The following CDRT4 variants were observed in gnomAD, a reference collection of about 807,000 sequenced individuals.
CDRT4 encodes CMT1A duplicated region transcript 4 protein.
For missense variants in CDRT4, 167 were observed against 193.1 expected (o/e 0.87, Z 0.80); for synonymous variants, 64 against 69.6 (o/e 0.92, Z 0.40).
At chr17:15,465,261 A>AAC (rs772265524) in intron 1 of CDRT4, among the ~76,000 whole-genome samples, 3 of 111,574 alleles carry the variant, frequency 2.7e-5, no homozygotes, top group African/African-American at 9.3e-5. Flanking sequence ...CAACACACAC[A>AAC]ACACACACAC....
chr17:15,438,621 T>C (rs1454683630), intron 3 of CDRT4, among the ~76,000 whole-genome samples: 2 of 152,232 alleles, frequency 1.3e-5, no homozygotes, highest in Non-Finnish European at 2.9e-5. Context: ...ATTCCTACTC[T>C]ACCCTCTTCA....
chr17:15,440,336 T>C, intron 2 of CDRT4, 51 bp from the exon 3 acceptor site: 2 of 1,591,784 alleles, frequency 1.3e-6, no homozygotes, highest in South Asian at 2.2e-5. Flanking sequence ...TGGAAAGCAA[T>C]TAGTAGCCAC....
intron 2 of CDRT4, among the ~76,000 whole-genome samples, chr17:15,452,780 C>T (rs1045619309): frequency 6.6e-6 from 1 of 152,220 alleles, no homozygotes; most frequent in African/African-American, 2.4e-5. Context: ...CCTCTCTGCT[C>T]CCAAGTATCT....
chr17:15,455,648 G>A (rs920345530), intron 1 of CDRT4, among the ~76,000 whole-genome samples: 1 of 152,228 alleles, frequency 6.6e-6, no homozygotes, highest in African/African-American at 2.4e-5. Flanking sequence ...GAAGCCAGCT[G>A]CCATGTTACA....
chr17:15,444,050 T>C (rs1281517999), intron 2 of CDRT4: 3 of 905,608 alleles, frequency 3.3e-6, no homozygotes, highest in Non-Finnish European at 5.3e-6. Context: ...CCCAGAAAGA[T>C]GAAGGAAACA....
chr17:15,447,150 A>T (rs1979063324), intron 2 of CDRT4, among the ~76,000 whole-genome samples: 1 of 152,210 alleles, frequency 6.6e-6, no homozygotes, highest in African/African-American at 2.4e-5. Flanking sequence ...GAGAAACAAA[A>T]GCAGAGGCCT....
intron 2 of CDRT4, among the ~76,000 whole-genome samples, chr17:15,442,465 A>C (rs535947913): frequency 6.6e-6 from 1 of 152,230 alleles, no homozygotes; most frequent in African/African-American, 2.4e-5. Context: ...TCATCTGTAA[A>C]TAGGATGCCA....
intron 1 of CDRT4, among the ~76,000 whole-genome samples, chr17:15,458,790 G>T (rs1301749587): frequency 6.6e-6 from 1 of 152,164 alleles, no homozygotes; most frequent in East Asian, 1.9e-4. Context: ...GTATAATCCA[G>T]ACAGAGGCTG....
intron 1 of CDRT4, among the ~76,000 whole-genome samples, chr17:15,457,510 T>G (rs538558682): frequency 6.6e-6 from 1 of 152,178 alleles, no homozygotes; most frequent in Non-Finnish European, 1.5e-5. Flanking sequence ...ACGCAGAAGG[T>G]GCCCAGATGG....
intron 3 of CDRT4, 129 bp downstream of exon 3, chr17:15,440,079 T>C (rs935825653): frequency 7.8e-6 from 6 of 767,678 alleles, no homozygotes; most frequent in Non-Finnish European, 1.1e-5. Flanking sequence ...CCTAGAACTT[T>C]AAGTATAATA....
chr17:15,456,597 C>T (rs1289228816), intron 1 of CDRT4, among the ~76,000 whole-genome samples: 2 of 150,848 alleles, frequency 1.3e-5, no homozygotes, highest in African/African-American at 2.4e-5. Context: ...CACACACACA[C>T]GGCTCAGGAG....
intron 2 of CDRT4, among the ~76,000 whole-genome samples, chr17:15,441,269 G>A (rs942998552): frequency 6.6e-6 from 1 of 152,152 alleles, no homozygotes. Context: ...TGGGTCGAAG[G>A]CAGTGCTTCT....
At chr17:15,463,835 A>C (rs1272050508) in intron 1 of CDRT4, among the ~76,000 whole-genome samples, 1 of 152,108 alleles carries the variant, frequency 6.6e-6, no homozygotes. Context: ...GGTCTGAGGG[A>C]GCCCCAGAAG....
rs1036026848 is a variant in CDRT4 at position 15,464,557 on chromosome 17, T to G, written c.-130+2903A>C. Among the ~76,000 whole-genome samples the G allele has an allele frequency of 2.0e-5, 3 of 152,010 alleles. No individual in the cohort carries two copies. The South Asian group carries it at 6.2e-4, about 32-fold the overall frequency. On this transcript the variant is annotated intron_variant, in intron 1 of 3. Transcript: ENST00000619038. This position sits in a 1 kb window ranked among gnomAD's most constrained non-coding sequence, Gnocchi z 4.5. ...AACAAGTCCTGGGGTGGGGTTTCTG[T>G]GTCCTTTCCTGTGCCCTCACCCCAA... is the stretch of plus-strand genomic sequence containing the variant.
chr17:15,438,078 G>A lies in CDRT4; in HGVS notation c.154C>T (p.Leu52=). The A allele has an allele frequency of 6.2e-7, 1 of 1,614,178 alleles. No individual in the cohort carries two copies. The highest frequency in any genetic ancestry group is 8.5e-7 in the Non-Finnish European group (1 of 1,180,038). ...RLIEKSKTRE[L]ECMRALEERP... is the part of the protein sequence containing the mutation. ...TCCTCGAGGGCACGCATGCATTCCAGTTCTCTAGTTTTGCTTTTCTCAATG... is the reference window on the plus strand; with the variant it reads ...TCCTCGAGGGCACGCATGCATTCCAATTCTCTAGTTTTGCTTTTCTCAATG... Residue 52 remains leucine (L), a synonymous_variant, in exon 4 of 4, where the codon CTG becomes TTG. Transcript: ENST00000619038.
chr17:15,436,175 T>C lies in CDRT4; in HGVS notation c.*1598A>G, dbSNP rs1319106201. On this transcript the variant is annotated 3_prime_UTR_variant, in exon 4 of 4. Transcript: ENST00000619038. ...CCAATAACAGGTCTAGAGCTCCTAA[T>C]TTAGGCAGCTGTCCCAACATAAAAG... The C allele has an allele frequency of 6.6e-6, 1 of 152,214 alleles. No homozygotes were observed. The highest frequency in any genetic ancestry group is 1.5e-5 in the Non-Finnish European group (1 of 68,042). 9.4% of individuals were successfully genotyped at this position (152,214 alleles called of 1,614,324 possible).
intron 3 of CDRT4, 82 bp downstream of exon 3, chr17:15,440,126 A>G (rs1978688076): frequency 1.5e-6 from 2 of 1,361,512 alleles, no homozygotes; most frequent in Non-Finnish European, 9.9e-7. Flanking sequence ...GTGGCCGCCC[A>G]GTGGCCTCTT....
intron 1 of CDRT4, among the ~76,000 whole-genome samples, chr17:15,458,927 C>CT (rs1339027057): frequency 2.0e-5 from 3 of 152,166 alleles, no homozygotes; most frequent in Non-Finnish European, 2.9e-5. Flanking sequence ...GCCCAGCAAT[C>CT]TATTTTCACA....
intron 2 of CDRT4, among the ~76,000 whole-genome samples, chr17:15,442,457 A>G (rs947806856): frequency 6.6e-6 from 1 of 151,900 alleles, no homozygotes; most frequent in Non-Finnish European, 1.5e-5. Flanking sequence ...TCATCTTCTC[A>G]TCTGTAAATA....
Sources: allele counts gnomAD v4.1 joint callset (sites outside exome capture counted in the v4.1 genomes callset), GRCh38; gene constraint gnomAD v4.1.1; non-coding constraint Gnocchi (gnomAD v3.1); transcripts MANE v1.5; gene names NCBI Gene and HGNC (gene_info 2026-07-23, HGNC 2026-07-21).